OPRD1: variants seen among roughly 807,000 people sequenced by gnomAD.
OPRD1 encodes opioid receptor delta 1.
A neutral mutation model predicts 17.5 loss-of-function variants in OPRD1; 19 were observed. That is an observed-to-expected ratio of 1.09 (90% CI 0.76 to 1.60). The LOEUF (loss-of-function observed/expected upper bound fraction) is 1.60. Among genes scored for constraint, OPRD1 ranks in the 40% most tolerant of loss-of-function variants. The pLI is 0.00. For synonymous variants in OPRD1, 256 were observed against 240.9 expected (o/e 1.06, Z -0.58); for missense variants, 483 against 547.2 (o/e 0.88, Z 1.17).
intron 1 of OPRD1, among the ~76,000 whole-genome samples, chr1:28,853,808 G>A (rs1340904489): frequency 5.3e-5 from 8 of 149,998 alleles, no homozygotes; most frequent in South Asian, 2.1e-4. Context: ...GTGCAGTGGC[G>A]CAATCTCACT....
intron 1 of OPRD1, among the ~76,000 whole-genome samples, chr1:28,830,960 A>C (rs1415686527): frequency 1.3e-5 from 2 of 152,278 alleles, no homozygotes; most frequent in Non-Finnish European, 2.9e-5. Flanking sequence ...GAACCAGGGC[A>C]GGAATTAAGC....
At position 28,863,229 on chromosome 1, in the gene OPRD1, G is replaced by T. The variant is rs879656886; in HGVS notation, c.1065G>T (p.Glu355Asp). Residue 355 changes from glutamate (E) to aspartate (D), a missense_variant, in exon 3 of 3, where the codon GAG becomes GAT. By Grantham distance (45) the Glu-to-Asp change is conservative. Coordinates refer to ENST00000234961, the MANE Select transcript of OPRD1 (RefSeq NM_000911.4). ...GCGCCCGCGAAGCCACGGCCCGCGA[G>T]CGTGTCACCGCCTGCACCCCGTCCG... Reference protein sequence around the residue: ...FSRAREATARERVTACTPSDG... With the variant: ...FSRAREATARDRVTACTPSDG... The T allele has an allele frequency of 3.2e-6, 5 of 1,564,358 alleles. No homozygotes were observed. Among genetic ancestry groups the T allele is most frequent in the African/African-American group, 2.7e-5 (2 of 73,742 alleles).
intron 1 of OPRD1, among the ~76,000 whole-genome samples, chr1:28,828,125 G>T (rs1298968561): frequency 6.6e-6 from 1 of 152,080 alleles, no homozygotes; most frequent in Non-Finnish European, 1.5e-5. Flanking sequence ...CACTATCTAT[G>T]ACAGCTGTAA....
At chr1:28,827,591 C>T (rs2088777258) in intron 1 of OPRD1, among the ~76,000 whole-genome samples, 2 of 152,226 alleles carry the variant, frequency 1.3e-5, no homozygotes, top group Non-Finnish European at 2.9e-5. Context: ...GTCACATCTT[C>T]AGGCCCCACT....
intron 1 of OPRD1, 136 bp downstream of exon 1, chr1:28,812,746 A>G (rs886763695): frequency 8.2e-6 from 6 of 728,932 alleles, no homozygotes; most frequent in Non-Finnish European, 1.2e-5. Flanking sequence ...GGGCCCAGCG[A>G]GAGGCGAGGC....
rs1301799991 is a variant in OPRD1 at position 28,870,767 on chromosome 1, G to A, written c.*7484G>A. The A allele has an allele frequency of 2.6e-5, 4 of 152,262 alleles. No individual in the cohort carries two copies. The highest frequency in any genetic ancestry group is 4.4e-5 in the Non-Finnish European group (3 of 68,068). The allele number at this position is 152,262 out of a possible 1,614,324, so 9.4% of individuals were successfully genotyped here. A position where few individuals can be genotyped will look rare whatever the true frequency, so the allele number is the denominator to read the frequency against. ...CAGCCTGGAAAGGAAGAAGGTCCCGGGCCATCTGCGTCATGGGGATGGAGT... is the reference window on the plus strand; with the variant it reads ...CAGCCTGGAAAGGAAGAAGGTCCCGAGCCATCTGCGTCATGGGGATGGAGT... On this transcript the variant is annotated 3_prime_UTR_variant, in exon 3 of 3. Transcript: ENST00000234961.
Position 28,846,944 on chromosome 1 carries a change from CCTT to C in OPRD1, c.228-12009_228-12007del, listed in dbSNP as rs1215789054. On this transcript the variant is annotated intron_variant, in intron 1 of 2. Transcript: ENST00000234961. ...CTTTCTTTTTCTTCCTTCCTTCCTT[CCTT>C]TTCTTTCTCTTTCTCTCTTTCTTCC... Among the ~76,000 whole-genome samples the C allele has an allele frequency of 2.7e-5, 4 of 146,906 alleles. No individual in the cohort carries two copies. In the Admixed American group the frequency reaches 2.8e-4, roughly 10 times the overall value.
chr1:28,839,264 G>A (rs1399001186), intron 1 of OPRD1, among the ~76,000 whole-genome samples: 1 of 152,088 alleles, frequency 6.6e-6, no homozygotes, highest in Non-Finnish European at 1.5e-5. Flanking sequence ...TTAGTTTGCA[G>A]CTGCATCGTC....
Position 28,862,972 on chromosome 1 carries a change from T to G in OPRD1, c.808T>G (p.Phe270Val). ...TRMVLVVVGA[F>V]VVCWAPIHIF... The stretch of plus-strand genomic sequence containing the variant: ...CATGGTGCTGGTGGTTGTGGGCGCC[T>G]TCGTGGTGTGTTGGGCGCCCATCCA... Residue 270 changes from phenylalanine to valine, a missense_variant, in exon 3 of 3, where the codon TTC (phenylalanine) becomes GTC (valine). Transcript: ENST00000234961. The G allele has an allele frequency of 6.2e-7, 1 of 1,611,682 alleles. No individual in the cohort carries two copies. The highest frequency in any genetic ancestry group is 8.5e-7 in the Non-Finnish European group (1 of 1,179,164).
chr1:28,812,635 G>C, intron 1 of OPRD1, 25 bp downstream of exon 1: 1 of 1,467,178 alleles, frequency 6.8e-7, no homozygotes, highest in Non-Finnish European at 9.0e-7. Flanking sequence ...GGCCGGCGCC[G>C]CAGGGCTGGA....
intron 1 of OPRD1, among the ~76,000 whole-genome samples, chr1:28,828,341 T>C (rs888615138): frequency 9.2e-5 from 14 of 152,142 alleles, no homozygotes; most frequent in African/African-American, 3.4e-4. Context: ...GCAGTTTGTC[T>C]CAACAGTGGG....
intron 1 of OPRD1, among the ~76,000 whole-genome samples, chr1:28,837,661 CAAAA>C (rs910639870): frequency 6.8e-6 from 1 of 146,002 alleles, no homozygotes; most frequent in African/African-American, 2.5e-5. Context: ...AAACAAAAAA[CAAAA>C]AAAACAAAAA....
chr1:28,854,840 C>T (rs189225780), intron 1 of OPRD1, among the ~76,000 whole-genome samples: 89 of 152,018 alleles, frequency 5.9e-4, no homozygotes, highest in Admixed American at 1.6e-3. Flanking sequence ...TTAGTAGAGA[C>T]GGGGTTTCAC....
intron 1 of OPRD1, among the ~76,000 whole-genome samples, chr1:28,843,568 C>T (rs554164118): frequency 2.8e-4 from 43 of 152,260 alleles, no homozygotes; most frequent in Non-Finnish European, 4.6e-4. Flanking sequence ...TTATTTAGCA[C>T]GATATCCTCA....
At chr1:28,857,309 G>C (rs573871190) in intron 1 of OPRD1, among the ~76,000 whole-genome samples, 4 of 152,300 alleles carry the variant, frequency 2.6e-5, no homozygotes, top group East Asian at 3.9e-4. Flanking sequence ...CAGAGCCTTA[G>C]AGAGTTCAAG....
At chr1:28,845,699 T>A (rs2088934040) in intron 1 of OPRD1, among the ~76,000 whole-genome samples, 1 of 152,234 alleles carries the variant, frequency 6.6e-6, no homozygotes, top group Non-Finnish European at 1.5e-5. Context: ...AGGAGTTTTA[T>A]GGTTTTAGCT....
At chr1:28,858,238 C>A (rs1487375840) in intron 1 of OPRD1, among the ~76,000 whole-genome samples, 1 of 151,358 alleles carries the variant, frequency 6.6e-6, no homozygotes, top group African/African-American at 2.4e-5. Context: ...CTCAGCCTCC[C>A]GAGTAGCTGG....
chr1:28,846,597 C>T (rs532236255), intron 1 of OPRD1, among the ~76,000 whole-genome samples: 6 of 151,676 alleles, frequency 4.0e-5, no homozygotes, highest in South Asian at 2.1e-4. Flanking sequence ...GCACGAGAAT[C>T]GCTTGAACCC....
At chr1:28,824,581 G>A (rs2088748074) in intron 1 of OPRD1, among the ~76,000 whole-genome samples, 1 of 151,898 alleles carries the variant, frequency 6.6e-6, no homozygotes, top group Non-Finnish European at 1.5e-5. Context: ...GCCTCCCAAA[G>A]TGCTGGGATT....
Sources: allele counts gnomAD v4.1 joint callset (sites outside exome capture counted in the v4.1 genomes callset), GRCh38; gene constraint gnomAD v4.1.1; transcripts MANE v1.5; gene names NCBI Gene and HGNC (gene_info 2026-07-23, HGNC 2026-07-21).